NARF: variants seen among roughly 807,000 people sequenced by gnomAD.
NARF encodes iron-only hydrogenase-like protein 2.
NARF carries 41 observed loss-of-function variants against 48.0 expected under a neutral mutation model. The observed-to-expected ratio is 0.85, with a 90% CI of 0.66 to 1.11. The LOEUF is 1.11. Ranked by LOEUF, NARF falls within the 50% of genes least tolerant of loss-of-function variation. NARF has a pLI of 0.00. For missense variants in NARF, 613 were observed against 590.2 expected (o/e 1.04, Z -0.40); for synonymous variants, 215 against 225.5 (o/e 0.95, Z 0.42).
chr17:82,474,012 C>T (rs2043776587), intron 5 of NARF, among the ~76,000 whole-genome samples: 1 of 151,716 alleles, frequency 6.6e-6, no homozygotes, highest in East Asian at 1.9e-4. Flanking sequence ...AGTGAGACCT[C>T]GTCTCTGCAA....
chr17:82,470,435 A>G (rs35803956), intron 4 of NARF, among the ~76,000 whole-genome samples: 2,271 of 152,344 alleles, frequency 0.015, 65 homozygotes, highest in African/African-American at 0.052. Context: ...TTATATATCA[A>G]TAAAATGTAT....
At chr17:82,481,535 C>T (rs1047062513) in intron 7 of NARF, among the ~76,000 whole-genome samples, 21 of 152,206 alleles carry the variant, frequency 1.4e-4, no homozygotes, top group Middle Eastern at 3.4e-3. Context: ...TCGAGACCAG[C>T]CTGACCAACA....
chr17:82,487,835 T>C, intron 10 of NARF, 81 bp from the exon 11 acceptor site: 1 of 1,493,422 alleles, frequency 6.7e-7, no homozygotes, highest in South Asian at 1.2e-5. Flanking sequence ...GTGGTGTGTG[T>C]CTGTAGTTCT....
intron 3 of NARF, among the ~76,000 whole-genome samples, chr17:82,467,336 C>G (rs1158622347): frequency 1.3e-5 from 2 of 152,208 alleles, no homozygotes; most frequent in African/African-American, 4.8e-5. Flanking sequence ...CATGAGCCAC[C>G]ACGCCTGGCC....
At chr17:82,472,221 G>A (rs571089658) in intron 4 of NARF, among the ~76,000 whole-genome samples, 63 of 152,256 alleles carry the variant, frequency 4.1e-4, no homozygotes, top group Admixed American at 6.5e-4. Context: ...AGTGGTTCAC[G>A]CCTGTAATTC....
chr17:82,485,473 A>C, intron 9 of NARF, 24 bp from the exon 10 acceptor site: 1 of 1,612,384 alleles, frequency 6.2e-7, no homozygotes, highest in Non-Finnish European at 8.5e-7. Context: ...TGATGGATCA[A>C]AATTCTCTGT....
chr17:82,472,807 C>T, intron 5 of NARF, 109 bp downstream of exon 5: 1 of 1,345,570 alleles, frequency 7.4e-7, no homozygotes, highest in South Asian at 1.5e-5. Context: ...CCCACCCAGC[C>T]TTGTAGACCA....
At chr17:82,463,000 C>G (rs910176870) in intron 2 of NARF, 4 of 152,072 alleles carry the variant, frequency 2.6e-5, no homozygotes, top group African/African-American at 7.3e-5. Context: ...TCTTGAGCCC[C>G]ATGCGGACCT....
rs1006559369 is a variant in NARF, at chr17:82,471,579, T to C, written c.386-985T>C. On this transcript the variant is annotated intron_variant, in intron 4 of 10. Transcript: ENST00000309794. ...AGGCCGAGGCGGGCGGATCACGAGG[T>C]CAGGAGATCGAGACCATCCTGGCTA... 4.1e-5 allele frequency among the ~76,000 whole-genome samples: 6 copies of C among 147,740 alleles called. No homozygotes were observed. The East Asian group carries it at 1.2e-3, about 30-fold the overall frequency.
At position 82,464,392 on chromosome 17, in the gene NARF, A is replaced by G; in HGVS notation, c.214A>G (p.Asn72Asp). ...AEEGVQLSQQ[N>D]AKDFFRVLNL... ...GGAAGGAGTCCAACTTTCCCAGCAA[A>G]ATGCCAAGGACTTCTTCCGCGTTCT... The change falls in exon 3 of 11, where the codon AAT (asparagine) becomes GAT (aspartate). Residue 72 changes from asparagine (N) to aspartate (D), a missense_variant. Coordinates refer to ENST00000309794, the MANE Select transcript of NARF (RefSeq NM_012336.4). 2 of 1,613,966 alleles carry G rather than the reference A, an allele frequency of 1.2e-6. No individual in the cohort carries two copies. Among genetic ancestry groups the G allele is most frequent in the Non-Finnish European group, 1.7e-6 (2 of 1,179,908 alleles).
At chr17:82,472,338 G>T (rs1405220805) in intron 4 of NARF, among the ~76,000 whole-genome samples, 1 of 152,060 alleles carries the variant, frequency 6.6e-6, no homozygotes, top group Non-Finnish European at 1.5e-5. Context: ...ACAAAAATTG[G>T]CCAGGCATGA....
In NARF at chr17:82,458,772, A is replaced by G. The variant is rs1340617286; in HGVS notation, c.-32A>G. 6.8e-7 allele frequency: 1 copy of G among 1,467,654 alleles called. No individual in the cohort carries two copies. The allele number at this position is 1,467,654 out of a possible 1,614,324, so 90.9% of individuals were successfully genotyped here. A position where few individuals can be genotyped will look rare whatever the true frequency, so the allele number is the denominator to read the frequency against. On this transcript the variant is annotated 5_prime_UTR_variant, in exon 1 of 11. Coordinates refer to ENST00000309794, the MANE Select transcript of NARF (RefSeq NM_012336.4). ...GTCTCCCGGTGCTTCCCTGAGGCTGAGGCGCCCGGCCTCCCGCCCGCCGCG... is the reference window on the plus strand; with the variant it reads ...GTCTCCCGGTGCTTCCCTGAGGCTGGGGCGCCCGGCCTCCCGCCCGCCGCG...
At chr17:82,463,268 C>T (rs1051963824) in intron 2 of NARF, 6 of 152,138 alleles carry the variant, frequency 3.9e-5, no homozygotes, top group Non-Finnish European at 8.8e-5. Context: ...TGTTCATCCA[C>T]CAGTTATTTA....
chr17:82,460,299 T>G, intron 2 of NARF: 2 of 357,106 alleles, frequency 5.6e-6, no homozygotes, highest in South Asian at 3.6e-5. Flanking sequence ...ACCTTATCTC[T>G]GCTAAAAATA....
chr17:82,484,002 A>G (rs1038271300), intron 8 of NARF: 4 of 539,912 alleles, frequency 7.4e-6, no homozygotes, highest in African/African-American at 5.8e-5. Context: ...GCGGGCTTCC[A>G]TGGTGTGATT....
chr17:82,466,016 C>G (rs1463146932), intron 3 of NARF, among the ~76,000 whole-genome samples: 1 of 152,196 alleles, frequency 6.6e-6, no homozygotes, highest in Non-Finnish European at 1.5e-5. Flanking sequence ...GGAGATGCCC[C>G]CCACCCATCA....
At chr17:82,468,084 G>T (rs568608828) in intron 3 of NARF, among the ~76,000 whole-genome samples, 1 of 152,108 alleles carries the variant, frequency 6.6e-6, no homozygotes, top group South Asian at 2.1e-4. Flanking sequence ...GGCCGAGGCA[G>T]GTGGATCACA....
At chr17:82,485,898 C>T (rs1333274981) in intron 10 of NARF, among the ~76,000 whole-genome samples, 2 of 152,204 alleles carry the variant, frequency 1.3e-5, no homozygotes, top group African/African-American at 4.8e-5. Context: ...CTCAGGAGGC[C>T]CAACATGGCA....
Position 82,489,878 on chromosome 17 carries a change from A to T in NARF, c.*1721A>T, listed in dbSNP as rs2044168367. The T allele has an allele frequency of 6.7e-6, 1 of 150,118 alleles. No homozygotes were observed. The highest frequency in any genetic ancestry group is 6.6e-5 in the Admixed American group (1 of 15,046). 9.3% of individuals were successfully genotyped at this position (150,118 alleles called of 1,614,324 possible). ...AGTCTCACTTTGTCACCCAGGCTGG[A>T]GTTCAGTGGCGTGATCTCGGCTCAC... On this transcript the variant is annotated 3_prime_UTR_variant, in exon 11 of 11. Transcript: ENST00000309794.
Sources: allele counts gnomAD v4.1 joint callset (sites outside exome capture counted in the v4.1 genomes callset), GRCh38; gene constraint gnomAD v4.1.1; transcripts MANE v1.5; gene names NCBI Gene and HGNC (gene_info 2026-07-23, HGNC 2026-07-21).